The following TSHZ2 variants were observed in gnomAD, a reference collection of about 807,000 sequenced individuals.
TSHZ2 encodes the protein teashirt homolog 2.
In TSHZ2, 21 loss-of-function variants were observed where a neutral mutation model predicts 74.4. That is an observed-to-expected ratio of 0.28 (90% CI 0.20 to 0.41). The LOEUF (loss-of-function observed/expected upper bound fraction) is 0.41, where lower values mean the gene tolerates loss of function less well. Among genes scored for constraint, TSHZ2 ranks in the 10% least tolerant of loss-of-function variants. TSHZ2 has a pLI of 1.00. For synonymous variants in TSHZ2, 540 were observed against 515.3 expected (o/e 1.05, Z -0.65); for missense variants, 1,244 against 1,293.5 (o/e 0.96, Z 0.59).
intron 2 of TSHZ2, among the ~76,000 whole-genome samples, chr20:53,472,895 C>T (rs776837341): frequency 1.1e-4 from 17 of 152,096 alleles, no homozygotes; most frequent in Non-Finnish European, 1.8e-4. Flanking sequence ...AAAGGGGTGA[C>T]GGACGGCACC....
At chr20:53,378,396 G>A (rs1367559918) in intron 2 of TSHZ2, among the ~76,000 whole-genome samples, 2 of 150,086 alleles carry the variant, frequency 1.3e-5, no homozygotes, top group Non-Finnish European at 3.0e-5. Flanking sequence ...CTAATGCAGA[G>A]CACAAGCTAA....
intron 1 of TSHZ2, among the ~76,000 whole-genome samples, chr20:53,218,762 G>A (rs1989490977): frequency 6.6e-6 from 1 of 152,162 alleles, no homozygotes; most frequent in Non-Finnish European, 1.5e-5. Context: ...AACAGACTGA[G>A]AATTCGAGAA....
At chr20:53,188,616 A>T (rs187587517) in intron 1 of TSHZ2, among the ~76,000 whole-genome samples, 181 of 152,322 alleles carry the variant, frequency 1.2e-3, no homozygotes, top group African/African-American at 3.9e-3. Context: ...CCTTGTTAGG[A>T]TTTGGTGCTA....
chr20:53,415,495 A>C (rs1182040251), intron 2 of TSHZ2, among the ~76,000 whole-genome samples: 1 of 151,024 alleles, frequency 6.6e-6, no homozygotes, highest in Non-Finnish European at 1.5e-5. Flanking sequence ...CATGCACCCC[A>C]CACACACAGC....
intron 1 of TSHZ2, among the ~76,000 whole-genome samples, chr20:53,124,452 G>A (rs1163599215): frequency 2.6e-5 from 4 of 152,220 alleles, no homozygotes; most frequent in Non-Finnish European, 5.9e-5. Context: ...GGGCAGTGTT[G>A]TCCTAATCTG....
At chr20:53,446,259 A>G (rs1984537626) in intron 2 of TSHZ2, among the ~76,000 whole-genome samples, 1 of 152,058 alleles carries the variant, frequency 6.6e-6, no homozygotes, top group African/African-American at 2.4e-5. Context: ...TTGAAACAGG[A>G]AGTGAATAGA....
At chr20:53,084,305 G>T (rs1278126109) in intron 1 of TSHZ2, among the ~76,000 whole-genome samples, 1 of 152,310 alleles carries the variant, frequency 6.6e-6, no homozygotes, top group African/African-American at 2.4e-5. Context: ...GAATTATATT[G>T]TATTAAAGAG....
chr20:52,990,620 G>A (rs1193257268), intron 1 of TSHZ2, among the ~76,000 whole-genome samples: 2 of 152,140 alleles, frequency 1.3e-5, no homozygotes, highest in Admixed American at 6.5e-5. Flanking sequence ...GGATGGGGTC[G>A]GGTCAGGGAA....
intron 1 of TSHZ2, among the ~76,000 whole-genome samples, chr20:53,215,475 C>A (rs1780654): frequency 0.22 from 33,224 of 150,508 alleles, 4,545 homozygotes; most frequent in Admixed American, 0.37. Flanking sequence ...TTCCAGAGCT[C>A]CTTCAGCTAT....
In TSHZ2 at chr20:53,291,629, T is replaced by C. The variant is rs6097339; in HGVS notation, c.*8+35058T>C. 9.2e-3 allele frequency among the ~76,000 whole-genome samples: 1,401 copies of C among 152,170 alleles called. 29 individuals carry two copies. Among genetic ancestry groups the C allele is most frequent in the African/African-American group, 0.032 (1,313 of 41,502 alleles). ...CACCCAGAGATCCAGAGAATCAGAT[T>C]TGAAGGCTACACAGTCAAGAGTTTT... On this transcript the variant is annotated intron_variant, in intron 2 of 2. Transcript: ENST00000371497.
intron 1 of TSHZ2, among the ~76,000 whole-genome samples, chr20:53,077,109 G>C (rs1440576207): frequency 6.6e-6 from 1 of 152,102 alleles, no homozygotes; most frequent in East Asian, 1.9e-4. Flanking sequence ...GCAGAGATGA[G>C]AGGTAAAGAT....
At chr20:53,105,071 A>T (rs1407272050) in intron 1 of TSHZ2, among the ~76,000 whole-genome samples, 4 of 152,180 alleles carry the variant, frequency 2.6e-5, no homozygotes, top group Non-Finnish European at 5.9e-5. Context: ...GCATTCCTAG[A>T]TGCAGTAGTC....
rs150376658 is a variant in TSHZ2 at position 53,396,923 on chromosome 20, T to C, written c.*9-90221T>C. Among the ~76,000 whole-genome samples the C allele has an allele frequency of 9.9e-3, 1,478 of 149,764 alleles. 17 individuals are homozygous for C. The highest frequency in any genetic ancestry group is 0.028 in the Middle Eastern group (8 of 286). On this transcript the variant is annotated intron_variant, in intron 2 of 2. Coordinates refer to ENST00000371497, the MANE Select transcript of TSHZ2 (RefSeq NM_173485.6). The stretch of plus-strand genomic sequence containing the variant: ...TCTCTAAAAATTACCAAGGCAAACA[T>C]GTAGAAAGCTGAAACTGGATCCCTT...
chr20:53,052,747 C>G (rs891358105), intron 1 of TSHZ2, among the ~76,000 whole-genome samples: 3 of 152,126 alleles, frequency 2.0e-5, no homozygotes, highest in African/African-American at 7.2e-5. Flanking sequence ...AATAATGCTA[C>G]TACAAATACA....
chr20:53,482,510 A>G (rs6097450), intron 2 of TSHZ2, among the ~76,000 whole-genome samples: 30,459 of 152,190 alleles, frequency 0.2, 3,227 homozygotes, highest in East Asian at 0.3. Flanking sequence ...CTTGGTTTTC[A>G]CACAGGAATC....
intron 1 of TSHZ2, among the ~76,000 whole-genome samples, chr20:53,014,824 C>T (rs1006396768): frequency 6.6e-6 from 1 of 152,176 alleles, no homozygotes; most frequent in South Asian, 2.1e-4. Context: ...CCCTCCACCT[C>T]CCTGAAGCCC....
At position 53,146,774 on chromosome 20, in the gene TSHZ2, G is replaced by A. The variant is rs192853838; in HGVS notation, c.41-106725G>A. Among the ~76,000 whole-genome samples, 335 of 152,296 alleles carry A rather than the reference G, an allele frequency of 2.2e-3. 8 individuals are homozygous for A. The highest frequency in any genetic ancestry group is 2.5e-4 in the Non-Finnish European group (17 of 68,020). On this transcript the variant is annotated intron_variant, in intron 1 of 2. Coordinates refer to ENST00000371497, the MANE Select transcript of TSHZ2 (RefSeq NM_173485.6). Reference sequence around the variant, plus strand: ...GAATAGTCTGTCTTAAGGTGACCAAGATAGAAACCAATACAGTGAGGAACA... The same window carrying A: ...GAATAGTCTGTCTTAAGGTGACCAAAATAGAAACCAATACAGTGAGGAACA...
chr20:53,226,427 G>GGGGTGTGTGTGTGTGTGTGT (rs879256692), intron 1 of TSHZ2, among the ~76,000 whole-genome samples: 82 of 149,560 alleles, frequency 5.5e-4, no homozygotes, highest in African/African-American at 1.9e-3. Flanking sequence ...TGTGTGGGTC[G>GGGGTGTGTGTGTGTGTGTGT]GTGTGTGTAT....
chr20:52,981,720 G>A (rs998802732), intron 1 of TSHZ2, among the ~76,000 whole-genome samples: 4 of 152,082 alleles, frequency 2.6e-5, no homozygotes, highest in Non-Finnish European at 5.9e-5. Context: ...TCCAGCACCC[G>A]CTCAAAAAAG....
Sources: allele counts gnomAD v4.1 joint callset (sites outside exome capture counted in the v4.1 genomes callset), GRCh38; gene constraint gnomAD v4.1.1; transcripts MANE v1.5; gene names NCBI Gene and HGNC (gene_info 2026-07-23, HGNC 2026-07-21).